The following CLYBL variants were observed in gnomAD, a reference collection of about 807,000 sequenced individuals.
CLYBL encodes citramalyl-CoA lyase, also known as citramalyl-CoA lyase, mitochondrial.
Under a neutral mutation model 38.9 loss-of-function variants are expected in CLYBL, and 31 were observed. The ratio of observed to expected loss-of-function variants is 0.80; its 90% CI spans 0.60 to 1.08. CLYBL has a LOEUF of 1.08. Ranked by LOEUF, CLYBL falls within the 50% of genes least tolerant of loss-of-function variation. CLYBL has a pLI of 0.00. For missense variants in CLYBL, 434 were observed against 411.6 expected, an observed-to-expected ratio of 1.05 and a Z score of -0.47; for synonymous variants, 171 against 158.6, an observed-to-expected ratio of 1.08 and a Z score of -0.59.
Position 99,888,256 on chromosome 13 carries a change from T to A in CLYBL, c.928-3062T>A, listed in dbSNP as rs189077765. Reference sequence around the variant, plus strand: ...ACTGCACACTTAAAAATGTCTAAGATGGTGAATTTTATGTTTTATGTTTTT... The same window carrying A: ...ACTGCACACTTAAAAATGTCTAAGAAGGTGAATTTTATGTTTTATGTTTTT... On this transcript the variant is annotated intron_variant, in intron 7 of 8. Coordinates refer to ENST00000339105, the MANE Select transcript of CLYBL (RefSeq NM_206808.5). Among the ~76,000 whole-genome samples, 29 of 124,036 alleles carry A rather than the reference T, an allele frequency of 2.3e-4. No individual in the cohort carries two copies. The East Asian group carries it at 6.2e-3, about 27-fold the overall frequency. 81.4% of individuals were successfully genotyped at this position (124,036 alleles called of 152,430 possible).
chr13:99,796,651 T>C (rs1020308637), intron 2 of CLYBL, among the ~76,000 whole-genome samples: 6 of 152,206 alleles, frequency 3.9e-5, no homozygotes, highest in Admixed American at 2.0e-4. Flanking sequence ...AGCTGCACTT[T>C]GATCACCACA....
Position 99,845,710 on chromosome 13 carries a change from A to G in CLYBL, c.250-13151A>G, listed in dbSNP as rs377616343. ...TTCAGAGGAACTGTGGCACACCGCGACAGGCTGCGAAGAGAAGCCACCTCC... is the reference window on the plus strand; with the variant it reads ...TTCAGAGGAACTGTGGCACACCGCGGCAGGCTGCGAAGAGAAGCCACCTCC... On this transcript the variant is annotated intron_variant, in intron 2 of 8. Coordinates refer to ENST00000339105, the MANE Select transcript of CLYBL (RefSeq NM_206808.5). Among the ~76,000 whole-genome samples the G allele has an allele frequency of 7.2e-5, 11 of 152,310 alleles. No homozygotes were observed. The East Asian group carries it at 1.9e-3, about 27-fold the overall frequency.
At chr13:99,889,642 G>T (rs186017663) in intron 7 of CLYBL, among the ~76,000 whole-genome samples, 1 of 152,312 alleles carries the variant, frequency 6.6e-6, no homozygotes, top group East Asian at 1.9e-4. Context: ...AGGCTGAAAA[G>T]GTTGGCCACT....
intron 1 of CLYBL, among the ~76,000 whole-genome samples, chr13:99,616,960 A>G (rs1461961756): frequency 6.6e-6 from 1 of 151,794 alleles, no homozygotes; most frequent in African/African-American, 2.4e-5. Flanking sequence ...CGTCTCAATA[A>G]TAATAATAAT....
chr13:99,652,167 AC>A (rs2047264403), intron 1 of CLYBL, among the ~76,000 whole-genome samples: 1 of 152,300 alleles, frequency 6.6e-6, no homozygotes, highest in South Asian at 2.1e-4. Context: ...GGAGTGTCCA[AC>A]TGGGCTAATA....
chr13:99,690,008 A>T (rs1404420387), intron 1 of CLYBL: 1 of 152,236 alleles, frequency 6.6e-6, no homozygotes, highest in Non-Finnish European at 1.5e-5. Flanking sequence ...AGTAAATTGC[A>T]TGCCATTTGC....
chr13:99,754,416 C>CAAAAAAAAAAAAA lies in CLYBL; in HGVS notation c.63-18397_63-18385dup, dbSNP rs1172376194. On this transcript the variant is annotated intron_variant, in intron 1 of 8. Transcript: ENST00000339105. ...TGGGCAACAGCGTGAGACCCTGTCT[C>CAAAAAAAAAAAAA]AAAAAAAAAAAAAAAAAAAAAAAGA... Among the ~76,000 whole-genome samples, 46 of 71,862 alleles carry CAAAAAAAAAAAAA rather than the reference C, an allele frequency of 6.4e-4. 3 individuals carry two copies. The highest frequency in any genetic ancestry group is 2.5e-3 in the African/African-American group (44 of 17,462). The allele number at this position is 71,862 out of a possible 152,430, so 47.1% of individuals were successfully genotyped here.
intron 3 of CLYBL, among the ~76,000 whole-genome samples, chr13:99,859,799 CTAT>C (rs1452488909): frequency 6.6e-6 from 1 of 152,150 alleles, no homozygotes; most frequent in Non-Finnish European, 1.5e-5. Flanking sequence ...TTGAGGGTCG[CTAT>C]TATTCTGCAG....
intron 2 of CLYBL, among the ~76,000 whole-genome samples, chr13:99,854,156 C>T (rs569940499): frequency 2.3e-4 from 35 of 152,210 alleles, no homozygotes; most frequent in South Asian, 1.7e-3. Flanking sequence ...AATCTTGGGT[C>T]GCACATAGCT....
chr13:99,840,075 C>A (rs2051033340), intron 2 of CLYBL, among the ~76,000 whole-genome samples: 1 of 151,152 alleles, frequency 6.6e-6, no homozygotes, highest in South Asian at 2.1e-4. Flanking sequence ...CCACCCCACG[C>A]TGGGAACTCT....
chr13:99,815,556 G>A (rs2050428310), intron 2 of CLYBL, among the ~76,000 whole-genome samples: 1 of 152,282 alleles, frequency 6.6e-6, no homozygotes, highest in South Asian at 2.1e-4. Context: ...CCGCATTCCA[G>A]CTTGAGTGAC....
At chr13:99,741,884 G>A (rs1003620705) in intron 1 of CLYBL, among the ~76,000 whole-genome samples, 2 of 152,216 alleles carry the variant, frequency 1.3e-5, no homozygotes, top group South Asian at 2.1e-4. Flanking sequence ...CTTAGGGACA[G>A]AAACATTATT....
chr13:99,780,872 C>T (rs1364727670), intron 2 of CLYBL, among the ~76,000 whole-genome samples: 2 of 151,644 alleles, frequency 1.3e-5, no homozygotes, highest in Non-Finnish European at 2.9e-5. Context: ...TGCCACCACA[C>T]CTGGCTCATT....
chr13:99,776,582 C>A (rs2049522467), intron 2 of CLYBL, among the ~76,000 whole-genome samples: 1 of 151,600 alleles, frequency 6.6e-6, no homozygotes, highest in Non-Finnish European at 1.5e-5. Flanking sequence ...ATAGCCCTAG[C>A]CTGTCAAGGT....
downstream of CLYBL, among the ~76,000 whole-genome samples, chr13:99,898,415 G>A (rs1249643513): frequency 6.6e-6 from 1 of 152,204 alleles, no homozygotes; most frequent in African/African-American, 2.4e-5. Context: ...AAACCAACAT[G>A]AACTTCTGGC....
At chr13:99,715,229 C>T (rs1341256186) in intron 1 of CLYBL, among the ~76,000 whole-genome samples, 1 of 152,074 alleles carries the variant, frequency 6.6e-6, no homozygotes, top group Non-Finnish European at 1.5e-5. Flanking sequence ...TATTCCATAC[C>T]TGGACTTTCA....
chr13:99,847,549 C>A (rs533268150), intron 2 of CLYBL, among the ~76,000 whole-genome samples: 2 of 152,318 alleles, frequency 1.3e-5, no homozygotes, highest in South Asian at 4.1e-4. Context: ...CCTCACTGAG[C>A]CCGGGCTAAG....
chr13:99,700,426 A>G (rs1203759875), intron 1 of CLYBL, among the ~76,000 whole-genome samples: 2 of 152,190 alleles, frequency 1.3e-5, no homozygotes, highest in Non-Finnish European at 2.9e-5. Context: ...CCTGGGCAAC[A>G]AGAGAAAAAC....
At chr13:99,666,450 A>G (rs922503442) in intron 1 of CLYBL, among the ~76,000 whole-genome samples, 3 of 152,188 alleles carry the variant, frequency 2.0e-5, no homozygotes, top group Non-Finnish European at 4.4e-5. Flanking sequence ...GGCTCTGGAA[A>G]GAACCTGTTC....
Sources: allele counts gnomAD v4.1 joint callset (sites outside exome capture counted in the v4.1 genomes callset), GRCh38; gene constraint gnomAD v4.1.1; transcripts MANE v1.5; gene names NCBI Gene and HGNC (gene_info 2026-07-23, HGNC 2026-07-21).